The following NSL1 variants were observed in gnomAD, a reference collection of about 807,000 sequenced individuals.
NSL1 encodes NSL1 component of MIS12 kinetochore complex.
In NSL1, 11 loss-of-function variants were observed where a neutral mutation model predicts 25.4. The observed-to-expected ratio is 0.43, with a 90% CI of 0.27 to 0.72. The LOEUF is 0.72. Ranked by LOEUF, NSL1 falls within the 30% of genes least tolerant of loss-of-function variation. The probability of loss-of-function intolerance (pLI) is 0.19; values close to 1 mark genes in which losing one functional copy is unlikely to be tolerated. For missense variants in NSL1, 330 were observed against 342.7 expected (o/e 0.96, Z 0.29); for synonymous variants, 118 against 120.6 (o/e 0.98, Z 0.14).
At chr1:212,775,093 C>T (rs1660301178) in intron 4 of NSL1, among the ~76,000 whole-genome samples, 2 of 152,082 alleles carry the variant, frequency 1.3e-5, no homozygotes, top group Non-Finnish European at 1.5e-5. Flanking sequence ...ATACATACTA[C>T]AACATAAATG....
chr1:212,744,827 C>T (rs1233426844), intron 4 of NSL1, among the ~76,000 whole-genome samples: 3 of 151,988 alleles, frequency 2.0e-5, no homozygotes, highest in Admixed American at 6.6e-5. Flanking sequence ...TCTGTGGGTA[C>T]CATCAAGCCC....
chr1:212,787,913 A>G (rs1173031043), intron 1 of NSL1, among the ~76,000 whole-genome samples: 1 of 152,214 alleles, frequency 6.6e-6, no homozygotes, highest in Non-Finnish European at 1.5e-5. Flanking sequence ...TCCTAGAATG[A>G]AAGAAAAAAT....
Position 212,737,859 on chromosome 1 carries a change from A to C in NSL1, c.*549T>G. On this transcript the variant is annotated 3_prime_UTR_variant, in exon 6 of 6. Coordinates refer to ENST00000366977, the MANE Select transcript of NSL1 (RefSeq NM_015471.4). The stretch of plus-strand genomic sequence containing the variant: ...TCCTAAAGTTAATCTCACAAACCTA[A>C]ATTAGCTGAACATGGAGTAACAAAG... The C allele has an allele frequency of 1.0e-6, 1 of 985,372 alleles. No homozygotes were observed. Among genetic ancestry groups the C allele is most frequent in the Non-Finnish European group, 1.2e-6 (1 of 829,862 alleles). 61.0% of individuals were successfully genotyped at this position (985,372 alleles called of 1,614,324 possible). A position where few individuals can be genotyped will look rare whatever the true frequency, so the allele number is the denominator to read the frequency against.
At chr1:212,739,024 A>G (rs756301620) in intron 5 of NSL1, among the ~76,000 whole-genome samples, 48 of 152,202 alleles carry the variant, frequency 3.2e-4, no homozygotes, top group East Asian at 7.7e-4. Context: ...TGGCCTCCCA[A>G]AGTGCTTGGA....
intron 4 of NSL1, among the ~76,000 whole-genome samples, chr1:212,762,306 C>CAAAAAAAAAAAA (rs71147025): frequency 1.0e-3 from 120 of 114,578 alleles, no homozygotes; most frequent in African/African-American, 2.7e-3. Flanking sequence ...TTAAAAGAAA[C>CAAAAAAAAAAAA]AAAAAAAAAA....
At position 212,787,614 on chromosome 1, in the gene NSL1, C is replaced by G. The variant is rs752868572; in HGVS notation, c.258G>C (p.Glu86Asp). ...ATGCTTGCCCATTAATGCTGATATTCTCTTGCACAGCTGATTCAAAAGTCT... is the reference window on the plus strand; with the variant it reads ...ATGCTTGCCCATTAATGCTGATATTGTCTTGCACAGCTGATTCAAAAGTCT... ...AQWTFESAVQ[E>D]NISINGQAWQ... The change falls in exon 2 of 6, where the codon GAG becomes GAC. Residue 86 changes from glutamate (E) to aspartate (D), a missense_variant. Transcript: ENST00000366977. 1.6e-5 allele frequency: 26 copies of G among 1,604,450 alleles called. No individual in the cohort carries two copies. The highest frequency in any genetic ancestry group is 2.0e-5 in the Non-Finnish European group (23 of 1,175,944).
intron 4 of NSL1, among the ~76,000 whole-genome samples, chr1:212,741,454 G>A (rs750843693): frequency 6.6e-6 from 1 of 152,166 alleles, no homozygotes. Flanking sequence ...ATCACGGGGC[G>A]ATTTCCCCCT....
Position 212,736,054 on chromosome 1 carries a change from T to C in NSL1, c.*2354A>G, listed in dbSNP as rs1271768395. ...TTCTTGTGTTCTTCTTATTATTATTTTGAAACAGGGTCTCACTCTGTCACC... is the reference window on the plus strand; with the variant it reads ...TTCTTGTGTTCTTCTTATTATTATTCTGAAACAGGGTCTCACTCTGTCACC... On this transcript the variant is annotated 3_prime_UTR_variant, in exon 6 of 6. Transcript: ENST00000366977. 1 of 984,896 alleles carries C rather than the reference T, an allele frequency of 1.0e-6. No individual in the cohort carries two copies. Among genetic ancestry groups the C allele is most frequent in the East Asian group, 1.1e-4 (1 of 8,824 alleles). The allele number at this position is 984,896 out of a possible 1,614,324, so 61.0% of individuals were successfully genotyped here.
At chr1:212,743,617 A>G (rs968188505) in intron 4 of NSL1, among the ~76,000 whole-genome samples, 1 of 152,150 alleles carries the variant, frequency 6.6e-6, no homozygotes, top group African/African-American at 2.4e-5. Flanking sequence ...TAAAAATAGC[A>G]TGCATAGGAG....
chr1:212,739,632 G>A, intron 4 of NSL1, 31 bp from the exon 5 acceptor site: 2 of 1,604,848 alleles, frequency 1.2e-6, no homozygotes, highest in Non-Finnish European at 1.7e-6. Flanking sequence ...AGTATTTTAG[G>A]TTTTTATCTA....
At chr1:212,752,889 C>CAAAAAAAAAAAAAAAAAA (rs11284993) in intron 4 of NSL1, among the ~76,000 whole-genome samples, 1 of 133,980 alleles carries the variant, frequency 7.5e-6, no homozygotes, top group South Asian at 2.5e-4. Context: ...AGAAATTCAG[C>CAAAAAAAAAAAAAAAAAA]AAAAAAAAAA....
chr1:212,730,139 A>G lies in NSL1; in HGVS notation c.*8269T>C, dbSNP rs1389558895. On this transcript the variant is annotated 3_prime_UTR_variant, in exon 6 of 6. Transcript: ENST00000366977. ...GTAGCACGCGCCTGTAATCCCAGCT[A>G]CTCGGGAGGCTAAGGCATGAGAACC... 2.4e-6 allele frequency: 2 copies of G among 839,572 alleles called. No individual in the cohort carries two copies. The highest frequency in any genetic ancestry group is 2.6e-4 in the East Asian group (2 of 7,812). The allele number at this position is 839,572 out of a possible 1,614,324, so 52.0% of individuals were successfully genotyped here. A position where few individuals can be genotyped will look rare whatever the true frequency, so the allele number is the denominator to read the frequency against.
intron 5 of NSL1, among the ~76,000 whole-genome samples, chr1:212,739,253 G>GT: frequency 6.6e-6 from 1 of 152,072 alleles, no homozygotes; most frequent in East Asian, 1.9e-4. Flanking sequence ...ATTTTAGCTG[G>GT]TATTATTATC....
At chr1:212,761,236 A>T (rs1266720264) in intron 4 of NSL1, among the ~76,000 whole-genome samples, 1 of 152,246 alleles carries the variant, frequency 6.6e-6, no homozygotes, top group Non-Finnish European at 1.5e-5. Flanking sequence ...ATAATTCTCC[A>T]GCAAAAGATT....
In NSL1 at chr1:212,734,813, C is replaced by G. The variant is rs1658169732; in HGVS notation, c.*3595G>C. On this transcript the variant is annotated 3_prime_UTR_variant, in exon 6 of 6. Transcript: ENST00000366977. Reference sequence around the variant, plus strand: ...ACTACTCCCCTAAGTTCCACACATACATCTATCATACCATTTGCTGCATGG... The same window carrying G: ...ACTACTCCCCTAAGTTCCACACATAGATCTATCATACCATTTGCTGCATGG... Among the ~76,000 whole-genome samples, 1 of 152,202 alleles carries G rather than the reference C, an allele frequency of 6.6e-6. No individual in the cohort carries two copies.
rs1049529643 is a variant in NSL1, at chr1:212,728,037, A to G, written c.*10371T>C. 1.0e-6 allele frequency: 1 copy of G among 985,436 alleles called. No individual in the cohort carries two copies. The allele number at this position is 985,436 out of a possible 1,614,324, so 61.0% of individuals were successfully genotyped here. On this transcript the variant is annotated 3_prime_UTR_variant, in exon 6 of 6. Coordinates refer to ENST00000366977, the MANE Select transcript of NSL1 (RefSeq NM_015471.4). ...GTCAGAAGGCCTCGCTCTGCTCTAC[A>G]TGGTCTATAGACCGCTGGGAAGGTG... is the stretch of plus-strand genomic sequence containing the variant.
rs188409839 is a variant in NSL1, at chr1:212,735,279, C to A, written c.*3129G>T. 19 of 982,310 alleles carry A rather than the reference C, an allele frequency of 1.9e-5. 1 individual carries two copies. The African/African-American group carries it at 3.1e-4, about 16-fold the overall frequency. 60.8% of individuals were successfully genotyped at this position (982,310 alleles called of 1,614,324 possible). A position where few individuals can be genotyped will look rare whatever the true frequency, so the allele number is the denominator to read the frequency against. On this transcript the variant is annotated 3_prime_UTR_variant, in exon 6 of 6. Coordinates refer to ENST00000366977, the MANE Select transcript of NSL1 (RefSeq NM_015471.4). ...GAACTCAGATGATCTGGCTTAGAGG[C>A]TGTGCTCTTAAGATCTCTGACTTTT...
intron 4 of NSL1, among the ~76,000 whole-genome samples, chr1:212,775,735 A>T (rs564552221): frequency 1.2e-4 from 18 of 152,336 alleles, no homozygotes; most frequent in Admixed American, 1.1e-3. Context: ...AAAGGTATAA[A>T]ATTCAAGAAA....
intron 4 of NSL1, among the ~76,000 whole-genome samples, chr1:212,757,092 G>A (rs1450778846): frequency 3.3e-5 from 5 of 152,154 alleles, no homozygotes; most frequent in Non-Finnish European, 7.3e-5. Context: ...AGGTAGTTTC[G>A]GAGAGCAGTT....
Sources: gnomAD v4.1 joint callset for allele counts (sites outside exome capture counted in the v4.1 genomes callset) on GRCh38, gnomAD v4.1.1 for gene constraint, MANE v1.5 for transcripts, NCBI Gene and HGNC (gene_info 2026-07-23, HGNC 2026-07-21) for gene names.